Variants in KCNQ1 observed in about 807,000 individuals in gnomAD.
KCNQ1 encodes the protein potassium voltage-gated channel subfamily KQT member 1.
In KCNQ1, 49 loss-of-function variants were observed where a neutral mutation model predicts 72.4. That is an observed-to-expected ratio of 0.68 (90% confidence interval 0.54 to 0.86). The LOEUF is 0.86. Among genes scored for constraint, KCNQ1 ranks in the 40% least tolerant of loss-of-function variants. KCNQ1 has a pLI of 0.00. For missense variants in KCNQ1, 790 were observed against 945.1 expected, an observed-to-expected ratio of 0.84 and a Z score of 2.15; for synonymous variants, 450 against 412.6, an observed-to-expected ratio of 1.09 and a Z score of -1.10.
At chr11:2,558,626 C>T (rs1323357814) in intron 2 of KCNQ1, among the ~76,000 whole-genome samples, 1 of 152,238 alleles carries the variant, frequency 6.6e-6, no homozygotes, top group African/African-American at 2.4e-5. Flanking sequence ...GTGGGCCGCG[C>T]TTCGGGAACC....
intron 1 of KCNQ1, among the ~76,000 whole-genome samples, chr11:2,527,391 C>G (rs77351312): frequency 4.6e-5 from 7 of 152,210 alleles, no homozygotes; most frequent in Admixed American, 2.0e-4. Context: ...GTTGACTGCT[C>G]TCTGGAAGTG....
rs376181468 is a variant in KCNQ1 at position 2,799,060 on chromosome 11, G to A, written c.1794+21023G>A. On this transcript the variant is annotated intron_variant, in intron 15 of 15. Transcript: ENST00000155840. ...GAAATCTAAACAGGCACCTTCAAAG[G>A]AGGACAAAGCAGCTCCCTTGGGTAA... 7.9e-5 allele frequency among the ~76,000 whole-genome samples: 12 copies of A among 152,340 alleles called. 1 individual carries two copies. The South Asian group carries it at 1.0e-3, about 13-fold the overall frequency.
rs1267114107 is a variant in KCNQ1 at position 2,659,106 on chromosome 11, GTTAA to G, written c.1394-2852_1394-2849del. On this transcript the variant is annotated intron_variant, in intron 10 of 15. Transcript: ENST00000155840. This position sits in a 1 kb window ranked among gnomAD's most constrained non-coding sequence, Gnocchi z 4.3. ...CATCGTAGGGTCCTCCAACATCCGG[GTTAA>G]TTTTTTAAATTTGCATACAGTAAAA... The G allele has an allele frequency of 1.3e-5, 5 of 398,436 alleles. No homozygotes were observed. The highest frequency in any genetic ancestry group is 2.2e-5 in the Non-Finnish European group (5 of 226,044). The allele number at this position is 398,436 out of a possible 1,614,324, so 24.7% of individuals were successfully genotyped here. A position where few individuals can be genotyped will look rare whatever the true frequency, so the allele number is the denominator to read the frequency against.
chr11:2,743,234 G>A (rs556438306), intron 11 of KCNQ1, among the ~76,000 whole-genome samples: 9 of 152,096 alleles, frequency 5.9e-5, no homozygotes, highest in African/African-American at 1.2e-4. Flanking sequence ...CGTACCATGC[G>A]GGGCCCCTCA....
At chr11:2,842,496 CA>C (rs1218938790) in intron 15 of KCNQ1, among the ~76,000 whole-genome samples, 1 of 152,226 alleles carries the variant, frequency 6.6e-6, no homozygotes, top group Non-Finnish European at 1.5e-5. Flanking sequence ...CACAAAGGCC[CA>C]GGGGCCTGGG....
chr11:2,665,647 C>T (rs1416302445), intron 11 of KCNQ1: 2 of 397,758 alleles, frequency 5.0e-6, no homozygotes, highest in Non-Finnish European at 8.8e-6. Context: ...GCTCTCAAAG[C>T]CCTCAGTACC....
At position 2,621,780 on chromosome 11, in the gene KCNQ1, G is replaced by A; in HGVS notation, c.1393+32926G>A. 2 of 398,182 alleles carry A rather than the reference G, an allele frequency of 5.0e-6. No individual in the cohort carries two copies. Among genetic ancestry groups the A allele is most frequent in the Admixed American group, 8.8e-5 (2 of 22,716 alleles). 24.7% of individuals were successfully genotyped at this position (398,182 alleles called of 1,614,324 possible). On this transcript the variant is annotated intron_variant, in intron 10 of 15. Transcript: ENST00000155840. The surrounding 1 kb of genome is among the most constrained non-coding windows in gnomAD (Gnocchi z 5.7). ...GTCCTCTTTCTTAGTCCAAGAGTTT[G>A]TTGATTTTATTTTTCAAAAATCAAT... is the stretch of plus-strand genomic sequence containing the variant.
Position 2,828,439 on chromosome 11 carries a change from A to C in KCNQ1, c.1795-19328A>C, listed in dbSNP as rs1233266744. On this transcript the variant is annotated intron_variant, in intron 15 of 15. Transcript: ENST00000155840. The surrounding 1 kb of genome is among the most constrained non-coding windows in gnomAD (Gnocchi z 5.3). ...GTCAGGAGAAAAGAGGAGACCAAAA[A>C]TATGTTGACAAAGGTTTGGAAGCTG... Among the ~76,000 whole-genome samples the C allele has an allele frequency of 6.6e-6, 1 of 152,216 alleles. No individual in the cohort carries two copies. Among genetic ancestry groups the C allele is most frequent in the African/African-American group, 2.4e-5 (1 of 41,454 alleles).
intron 6 of KCNQ1, among the ~76,000 whole-genome samples, chr11:2,574,972 G>T (rs906417660): frequency 6.6e-6 from 1 of 152,214 alleles, no homozygotes; most frequent in Non-Finnish European, 1.5e-5. Context: ...CGTGCTCGGG[G>T]GATGGACGGC....
intron 15 of KCNQ1, among the ~76,000 whole-genome samples, chr11:2,797,919 C>T (rs1421908677): frequency 2.6e-5 from 4 of 152,186 alleles, no homozygotes; most frequent in African/African-American, 9.7e-5. Context: ...CCAGGTTGGC[C>T]CAGGCAGCCC....
Position 2,654,295 on chromosome 11 carries a change from G to A in KCNQ1, c.1394-7666G>A, listed in dbSNP as rs960390365. The stretch of plus-strand genomic sequence containing the variant: ...CAGGGCTTTGGTGAATCCACTGAGA[G>A]GGGGAGATTTCTTGAGGGGGCCAGG... On this transcript the variant is annotated intron_variant, in intron 10 of 15. Transcript: ENST00000155840. This position sits in a 1 kb window ranked among gnomAD's most constrained non-coding sequence, Gnocchi z 6.4. The A allele has an allele frequency of 2.5e-6, 1 of 398,888 alleles. No homozygotes were observed. The allele number at this position is 398,888 out of a possible 1,614,324, so 24.7% of individuals were successfully genotyped here.
intron 1 of KCNQ1, chr11:2,461,823 T>G: frequency 2.3e-6 from 2 of 877,410 alleles, no homozygotes; most frequent in Non-Finnish European, 3.2e-6. Flanking sequence ...GACAGCTGGA[T>G]AGATGAAGTA....
At position 2,562,615 on chromosome 11, in the gene KCNQ1, C is replaced by A. The variant is rs1283619910; in HGVS notation, c.478-8013C>A. ...GGTCCCCACAGCACCCTCAGCCTAA[C>A]CCCTGTGTCCACCCCTCTTCAGAGT... On this transcript the variant is annotated intron_variant, in intron 2 of 15. Transcript: ENST00000155840. The surrounding 1 kb of genome is among the most constrained non-coding windows in gnomAD (Gnocchi z 7.5). 2.0e-5 allele frequency among the ~76,000 whole-genome samples: 3 copies of A among 152,194 alleles called. No homozygotes were observed. Among genetic ancestry groups the A allele is most frequent in the African/African-American group, 7.2e-5 (3 of 41,438 alleles).
In KCNQ1 at chr11:2,828,302, T is replaced by G. The variant is rs1239107542; in HGVS notation, c.1795-19465T>G. Reference sequence around the variant, plus strand: ...CAGCAGGTGCCAGAGCTGAAAGCACTGGTTAAACGTGATGGGTAAACACAT... The same window carrying G: ...CAGCAGGTGCCAGAGCTGAAAGCACGGGTTAAACGTGATGGGTAAACACAT... On this transcript the variant is annotated intron_variant, in intron 15 of 15. Transcript: ENST00000155840. This position sits in a 1 kb window ranked among gnomAD's most constrained non-coding sequence, Gnocchi z 5.3. Among the ~76,000 whole-genome samples, 4 of 152,218 alleles carry G rather than the reference T, an allele frequency of 2.6e-5. No homozygotes were observed. Among genetic ancestry groups the G allele is most frequent in the African/African-American group, 9.6e-5 (4 of 41,468 alleles).
At chr11:2,505,601 C>A (rs543941983) in intron 1 of KCNQ1, among the ~76,000 whole-genome samples, 1 of 152,296 alleles carries the variant, frequency 6.6e-6, no homozygotes, top group East Asian at 1.9e-4. Context: ...AACTATTTCT[C>A]CCTTCGGTTC....
At position 2,536,277 on chromosome 11, in the gene KCNQ1, G is replaced by A. The variant is rs1847730568; in HGVS notation, c.477+8259G>A. Among the ~76,000 whole-genome samples, 1 of 152,214 alleles carries A rather than the reference G, an allele frequency of 6.6e-6. No homozygotes were observed. Among genetic ancestry groups the A allele is most frequent in the African/African-American group, 2.4e-5 (1 of 41,452 alleles). Reference sequence around the variant, plus strand: ...GCAGCAGAGACTCCGGCCCCACCAGGCTTCCTGTACTTGGTGATAAACACA... The same window carrying A: ...GCAGCAGAGACTCCGGCCCCACCAGACTTCCTGTACTTGGTGATAAACACA... On this transcript the variant is annotated intron_variant, in intron 2 of 15. Transcript: ENST00000155840. This position sits in a 1 kb window ranked among gnomAD's most constrained non-coding sequence, Gnocchi z 7.4.
chr11:2,486,292 T>C lies in KCNQ1; in HGVS notation c.386+40808T>C, dbSNP rs897109254. On this transcript the variant is annotated intron_variant, in intron 1 of 15. Coordinates refer to ENST00000155840, the MANE Select transcript of KCNQ1 (RefSeq NM_000218.3). The surrounding 1 kb of genome is among the most constrained non-coding windows in gnomAD (Gnocchi z 5.0). ...CATGCTCTTATTAGCCATTTGTATA[T>C]CTTCTTTGGAGAATATCTCCTCAGC... 6.6e-6 allele frequency among the ~76,000 whole-genome samples: 1 copy of C among 152,242 alleles called. No homozygotes were observed. Among genetic ancestry groups the C allele is most frequent in the Non-Finnish European group, 1.5e-5 (1 of 68,038 alleles).
chr11:2,700,028 C>T (rs545466321), intron 11 of KCNQ1: 24 of 398,198 alleles, frequency 6.0e-5, no homozygotes, highest in African/African-American at 3.7e-4. Flanking sequence ...CGACTGCCCC[C>T]GCCGCTGCCG....
chr11:2,592,517 G>A lies in KCNQ1; in HGVS notation c.1393+3663G>A, dbSNP rs1848683802. On this transcript the variant is annotated intron_variant, in intron 10 of 15. Transcript: ENST00000155840. The surrounding 1 kb of genome is among the most constrained non-coding windows in gnomAD (Gnocchi z 5.2). ...ACCTTCTGACCTGGGTGGGGAGGGA[G>A]GGGAATGTCAGCAGCCACCCAGCCC... is the stretch of plus-strand genomic sequence containing the variant. Among the ~76,000 whole-genome samples, 1 of 152,232 alleles carries A rather than the reference G, an allele frequency of 6.6e-6. No homozygotes were observed. The highest frequency in any genetic ancestry group is 1.5e-5 in the Non-Finnish European group (1 of 68,036).
Sources: gnomAD v4.1 joint callset for allele counts (sites outside exome capture counted in the v4.1 genomes callset) on GRCh38, gnomAD v4.1.1 for gene constraint, Gnocchi (gnomAD v3.1) non-coding constraint, MANE v1.5 for transcripts, NCBI Gene and HGNC (gene_info 2026-07-23, HGNC 2026-07-21) for gene names.